The following FLT1 variants were observed in gnomAD, a reference collection of about 807,000 sequenced individuals.
FLT1 encodes the protein fms related receptor tyrosine kinase 1, also known as vascular endothelial growth factor receptor 1.
Under a neutral mutation model 156.3 loss-of-function variants are expected in FLT1, and 49 were observed. That is an observed-to-expected ratio of 0.31 (90% CI 0.25 to 0.40). The LOEUF is 0.40. Ranked by LOEUF, FLT1 falls within the 10% of genes least tolerant of loss-of-function variation. The pLI is 1.00. For synonymous variants in FLT1, 594 were observed against 583.8 expected, an observed-to-expected ratio of 1.02 and a Z score of -0.25; for missense variants, 1,322 against 1,637.2, an observed-to-expected ratio of 0.81 and a Z score of 3.32.
intron 10 of FLT1, among the ~76,000 whole-genome samples, chr13:28,411,163 G>A (rs1876145716): frequency 6.6e-6 from 1 of 151,936 alleles, no homozygotes; most frequent in Non-Finnish European, 1.5e-5. Context: ...TTACATTTTT[G>A]GCATAAATTC....
At chr13:28,332,240 A>G (rs367988288) in intron 18 of FLT1, among the ~76,000 whole-genome samples, 5 of 152,234 alleles carry the variant, frequency 3.3e-5, no homozygotes, top group Middle Eastern at 3.4e-3. Flanking sequence ...AGAAGAAAAA[A>G]AAATCTCAAG....
chr13:28,442,270 A>G (rs1272577083), intron 3 of FLT1, among the ~76,000 whole-genome samples: 1 of 152,214 alleles, frequency 6.6e-6, no homozygotes, highest in East Asian at 1.9e-4. Flanking sequence ...AACACTAAGA[A>G]ATGGTTTAAT....
chr13:28,413,097 T>A (rs1448935246), intron 10 of FLT1, among the ~76,000 whole-genome samples: 1 of 151,802 alleles, frequency 6.6e-6, no homozygotes, highest in African/African-American at 2.4e-5. Flanking sequence ...ACTTCTTGCC[T>A]CAATGGAGAA....
intron 14 of FLT1, among the ~76,000 whole-genome samples, chr13:28,373,715 G>A (rs1699551739): frequency 6.6e-6 from 1 of 151,942 alleles, no homozygotes; most frequent in African/African-American, 2.4e-5. Flanking sequence ...TTGTTGATTA[G>A]GGATTGAGAT....
rs991429591 is a variant in FLT1 at position 28,303,256 on chromosome 13, C to T, written c.3928G>A (p.Asp1310Asn). 6 of 1,613,858 alleles carry T rather than the reference C, an allele frequency of 3.7e-6. No individual in the cohort carries two copies. The highest frequency in any genetic ancestry group is 2.2e-5 in the South Asian group (2 of 91,054). The change falls in exon 30 of 30, where the codon GAC becomes AAC. Residue 1310 changes from aspartate to asparagine, a missense_variant. By Grantham distance (23) the Asp-to-Asn change is conservative. Transcript: ENST00000282397. ...ATTTTCCTTTCCAGCTCAGCGTGGT[C>T]GTAGGTGAACCTGCGCTTGCCTTCG... Reference protein sequence around the residue: ...VSEGKRRFTYDHAELERKIAC... With the variant: ...VSEGKRRFTYNHAELERKIAC...
At chr13:28,349,468 A>ATG (rs1565981343) in intron 15 of FLT1, among the ~76,000 whole-genome samples, 3 of 151,040 alleles carry the variant, frequency 2.0e-5, no homozygotes, top group African/African-American at 7.3e-5. Flanking sequence ...ACATGCGCAC[A>ATG]CGCACACACA....
chr13:28,343,370 G>A (rs371445137), intron 16 of FLT1, among the ~76,000 whole-genome samples: 17 of 150,968 alleles, frequency 1.1e-4, no homozygotes, highest in African/African-American at 3.6e-4. Context: ...GGGTGATCTC[G>A]GCTCACTGCA....
At chr13:28,379,875 C>T (rs1418490181) in intron 14 of FLT1, among the ~76,000 whole-genome samples, 2 of 152,178 alleles carry the variant, frequency 1.3e-5, no homozygotes, top group Admixed American at 6.5e-5. Flanking sequence ...GCTCCAACTA[C>T]CCCAAGTAGG....
chr13:28,304,207 G>A (rs1360380590), intron 29 of FLT1, among the ~76,000 whole-genome samples: 2 of 152,140 alleles, frequency 1.3e-5, no homozygotes, highest in Non-Finnish European at 2.9e-5. Context: ...GATAAAATTA[G>A]TCACCACCCA....
intron 18 of FLT1, among the ~76,000 whole-genome samples, chr13:28,330,746 C>G (rs1871898453): frequency 6.6e-6 from 1 of 151,484 alleles, no homozygotes; most frequent in African/African-American, 2.4e-5. Flanking sequence ...CAGAGTCTCC[C>G]TCTGTCGCCC....
In FLT1 at chr13:28,466,912, A is replaced by G; in HGVS notation, c.379T>C (p.Phe127Leu). 3.1e-6 allele frequency: 5 copies of G among 1,602,794 alleles called. No homozygotes were observed. The highest frequency in any genetic ancestry group is 3.4e-6 in the Non-Finnish European group (4 of 1,169,628). The stretch of plus-strand genomic sequence containing the variant: ...AAAATGGAAGTCTTACCACTAATAA[A>G]TATATAGATTGCAGATTCTGTTTCC... ...KKETESAIYI[F>L]ISDTGRPFVE... The change falls in exon 3 of 30, where the codon TTT becomes CTT. Residue 127 changes from phenylalanine to leucine, a missense_variant. By Grantham distance (22) the Phe-to-Leu change is conservative. This residue lies in a region of FLT1 where 991 missense variants were observed against 1,254.8 expected (regional missense o/e 0.79). Transcript: ENST00000282397.
chr13:28,338,404 G>C (rs1257934270), intron 17 of FLT1, among the ~76,000 whole-genome samples: 1 of 152,096 alleles, frequency 6.6e-6, no homozygotes, highest in East Asian at 1.9e-4. Context: ...AAACATTTTG[G>C]GTAGGAGTAA....
chr13:28,471,612 G>A (rs574961695), intron 1 of FLT1, among the ~76,000 whole-genome samples: 10 of 152,254 alleles, frequency 6.6e-5, no homozygotes, highest in African/African-American at 2.2e-4. Context: ...CAGCTTGATC[G>A]TCTCAGTAGC....
intron 3 of FLT1, among the ~76,000 whole-genome samples, chr13:28,449,745 C>T (rs1482389135): frequency 6.6e-6 from 1 of 152,216 alleles, no homozygotes; most frequent in Non-Finnish European, 1.5e-5. Flanking sequence ...ATAAGAAGTG[C>T]CTCTTTCTAA....
intron 14 of FLT1, among the ~76,000 whole-genome samples, chr13:28,372,248 AT>A (rs1016572287): frequency 6.7e-6 from 1 of 148,834 alleles, no homozygotes; most frequent in African/African-American, 2.5e-5. Context: ...TGCCTGGCTA[AT>A]TTTTGTATTT....
At chr13:28,483,799 GTTGTC>G (rs1880988622) in intron 1 of FLT1, among the ~76,000 whole-genome samples, 1 of 152,170 alleles carries the variant, frequency 6.6e-6, no homozygotes, top group African/African-American at 2.4e-5. Flanking sequence ...CTCTTGGATG[GTTGTC>G]TTTTCTCATA....
chr13:28,306,280 C>T (rs770974444), intron 29 of FLT1, among the ~76,000 whole-genome samples: 1 of 152,146 alleles, frequency 6.6e-6, no homozygotes, highest in South Asian at 2.1e-4. Flanking sequence ...GTCTTAGCCC[C>T]GGAAAACAGT....
rs757545042 is a variant in FLT1, at chr13:28,311,722, T to A, written c.3503A>T (p.Asp1168Val). ...CAGTATGGCATTGATTGGGATGTAG[T>A]CTTTACCATCCTAAAATACCAAAGG... ...LQANVQQDGKDYIPINAILTG... is the reference protein window; with the variant it reads ...LQANVQQDGKVYIPINAILTG... The change falls in exon 27 of 30, where the codon GAC (aspartate) becomes GTC (valine). Residue 1168 changes from aspartate (D) to valine (V), a missense_variant. Physicochemically the swap from Asp to Val is radical, Grantham distance 152. Coordinates refer to ENST00000282397, the MANE Select transcript of FLT1 (RefSeq NM_002019.4). 5.0e-6 allele frequency: 8 copies of A among 1,614,056 alleles called. No individual in the cohort carries two copies. The highest frequency in any genetic ancestry group is 5.9e-6 in the Non-Finnish European group (7 of 1,179,956).
intron 14 of FLT1, among the ~76,000 whole-genome samples, chr13:28,375,911 C>A (rs546495448): frequency 6.6e-6 from 1 of 152,356 alleles, no homozygotes; most frequent in East Asian, 1.9e-4. Context: ...AAGGCAACTA[C>A]AACTCAAGTT....
Sources: gnomAD v4.1 joint callset for allele counts (sites outside exome capture counted in the v4.1 genomes callset) on GRCh38, gnomAD v4.1.1 for gene constraint, gnomAD v4.1.1 regional missense constraint, MANE v1.5 for transcripts, NCBI Gene and HGNC (gene_info 2026-07-23, HGNC 2026-07-21) for gene names.